Variants in ZDHHC8 observed in about 807,000 individuals in gnomAD.
ZDHHC8 encodes the protein zDHHC palmitoyltransferase 8, also known as palmitoyltransferase ZDHHC8.
ZDHHC8 carries 24 observed loss-of-function variants against 61.2 expected under a neutral mutation model. The observed-to-expected ratio is 0.39, with a 90% CI of 0.28 to 0.55. The LOEUF (loss-of-function observed/expected upper bound fraction) is 0.55, where lower values mean the gene tolerates loss of function less well. ZDHHC8 is among the 20% of genes least tolerant of loss of function. The pLI is 0.60. For synonymous variants in ZDHHC8, 523 were observed against 492.5 expected (o/e 1.06, Z -0.82); for missense variants, 935 against 1,102.1 (o/e 0.85, Z 2.15).
chr22:20,142,925 C>T lies in ZDHHC8; in HGVS notation c.1295C>T (p.Ser432Phe), dbSNP rs1174749568. Residue 432 changes from serine to phenylalanine, a missense_variant, in exon 10 of 11, where the codon TCC becomes TTC. Around this residue, in one of 3 missense-constraint regions of ZDHHC8, gnomAD observed 692 missense variants for 731.4 expected, o/e 0.95. Coordinates refer to ENST00000334554, the MANE Select transcript of ZDHHC8 (RefSeq NM_013373.4). The part of the protein sequence containing the change: ...ASDAFSGALR[S>F]LSLKASSRRG... ...GATGCCTTCTCGGGCGCTTTGCGCT[C>T]CCTGAGCCTCAAGGCCTCGAGCCGG... is the stretch of plus-strand genomic sequence containing the variant. 1 of 1,605,820 alleles carries T rather than the reference C, an allele frequency of 6.2e-7. No individual in the cohort carries two copies. The highest frequency in any genetic ancestry group is 8.5e-7 in the Non-Finnish European group (1 of 1,175,614).
In ZDHHC8 at chr22:20,145,459, C is replaced by T; in HGVS notation, c.*59C>T. The T allele has an allele frequency of 1.5e-6, 2 of 1,354,220 alleles. No homozygotes were observed. Among genetic ancestry groups the T allele is most frequent in the Non-Finnish European group, 1.9e-6 (2 of 1,050,682 alleles). 83.9% of individuals were successfully genotyped at this position (1,354,220 alleles called of 1,614,324 possible). A position where few individuals can be genotyped will look rare whatever the true frequency, so the allele number is the denominator to read the frequency against. On this transcript the variant is annotated 3_prime_UTR_variant, in exon 11 of 11. Coordinates refer to ENST00000334554, the MANE Select transcript of ZDHHC8 (RefSeq NM_013373.4). ...GGGGACCAGGACCCCACAGCGCACCCCCCCTCCCCACCAACTTCTCTGCCC... is the reference window on the plus strand; with the variant it reads ...GGGGACCAGGACCCCACAGCGCACCTCCCCTCCCCACCAACTTCTCTGCCC...
At chr22:20,140,030 G>C (rs1290847410) in intron 4 of ZDHHC8, 85 bp from the exon 5 acceptor site, 1 of 1,592,458 alleles carries the variant, frequency 6.3e-7, no homozygotes, top group African/African-American at 1.3e-5. Context: ...AGGTTGGGAG[G>C]AGGTTTGTCC....
At chr22:20,140,360 C>T (rs1413998040) in intron 5 of ZDHHC8, 143 bp downstream of exon 5, 13 of 892,446 alleles carry the variant, frequency 1.5e-5, no homozygotes, top group African/African-American at 6.7e-5. Flanking sequence ...GAGACCCCCA[C>T]GTGGGGCTAC....
At chr22:20,145,154 C>G in intron 10 of ZDHHC8, 75 bp from the exon 11 acceptor site, 1 of 1,309,230 alleles carries the variant, frequency 7.6e-7, no homozygotes, top group Non-Finnish European at 1.0e-6. Flanking sequence ...CTCTGTCTTG[C>G]TGCCTCCTCC....
At chr22:20,132,129 C>CGCGGGGGCTG in intron 1 of ZDHHC8, 78 bp downstream of exon 1, 1 of 963,616 alleles carries the variant, frequency 1.0e-6, no homozygotes, top group Non-Finnish European at 1.3e-6. Context: ...GGGCAGCGGT[C>CGCGGGGGCTG]GCGGGGGCTG....
At position 20,146,862 on chromosome 22, in the gene ZDHHC8, GC is replaced by G. The variant is rs950034313; in HGVS notation, c.*1464del. Reference sequence around the variant, plus strand: ...GCTGGAACTCTCCTGCCTGCCACATGCCAGGGGCAGGGCTGAGGGAGTGTGA... The same window carrying G: ...GCTGGAACTCTCCTGCCTGCCACATGCAGGGGCAGGGCTGAGGGAGTGTGA... On this transcript the variant is annotated 3_prime_UTR_variant, in exon 11 of 11. Coordinates refer to ENST00000334554, the MANE Select transcript of ZDHHC8 (RefSeq NM_013373.4). 1 of 1,260,574 alleles carries G rather than the reference GC, an allele frequency of 7.9e-7. No homozygotes were observed. Among genetic ancestry groups the G allele is most frequent in the African/African-American group, 1.6e-5 (1 of 64,410 alleles). 78.1% of individuals were successfully genotyped at this position (1,260,574 alleles called of 1,614,324 possible).
chr22:20,141,060 G>T, intron 7 of ZDHHC8, 48 bp downstream of exon 7: 1 of 1,605,700 alleles, frequency 6.2e-7, no homozygotes. Flanking sequence ...CCCTTGGATG[G>T]GGAAACAGGC....
chr22:20,135,091 C>T (rs2050408724), intron 1 of ZDHHC8, among the ~76,000 whole-genome samples: 1 of 152,060 alleles, frequency 6.6e-6, no homozygotes, highest in Admixed American at 6.6e-5. Flanking sequence ...ACCCTCACAC[C>T]TGGCTAATTT....
chr22:20,131,868 C>T lies in ZDHHC8; in HGVS notation c.-80C>T, dbSNP rs1380720102. The T allele has an allele frequency of 3.0e-6, 1 of 336,292 alleles. No individual in the cohort carries two copies. The highest frequency in any genetic ancestry group is 4.2e-6 in the Non-Finnish European group (1 of 238,746). 20.8% of individuals were successfully genotyped at this position (336,292 alleles called of 1,614,324 possible). A position where few individuals can be genotyped will look rare whatever the true frequency, so the allele number is the denominator to read the frequency against. On this transcript the variant is annotated 5_prime_UTR_variant, in exon 1 of 11. Coordinates refer to ENST00000334554, the MANE Select transcript of ZDHHC8 (RefSeq NM_013373.4). ...CGCGGGTCCTGCGCCGCGTCCAGCC[C>T]GCCCGCCCGACCCCGGCCCGACCCC...
rs1362782543 is a variant in ZDHHC8 at position 20,146,144 on chromosome 22, G to A, written c.*744G>A. ...TATGCTCTTGTGGGAGGCGACGGGG[G>A]GGCAGGCGGGAGCAGGCACGGGGGT... is the stretch of plus-strand genomic sequence containing the variant. On this transcript the variant is annotated 3_prime_UTR_variant, in exon 11 of 11. Transcript: ENST00000334554. The A allele has an allele frequency of 5.1e-6, 5 of 985,560 alleles. No individual in the cohort carries two copies. Among genetic ancestry groups the A allele is most frequent in the Non-Finnish European group, 6.0e-6 (5 of 829,952 alleles). 61.1% of individuals were successfully genotyped at this position (985,560 alleles called of 1,614,324 possible).
intron 1 of ZDHHC8, among the ~76,000 whole-genome samples, chr22:20,136,434 G>A (rs961418780): frequency 2.6e-5 from 4 of 152,194 alleles, no homozygotes; most frequent in East Asian, 3.9e-4. Flanking sequence ...GTGTTCTTGC[G>A]CACCCTGAGA....
chr22:20,143,647 C>T lies in ZDHHC8; in HGVS notation c.2017C>T (p.Leu673=), dbSNP rs1480177513. 1.9e-6 allele frequency: 3 copies of T among 1,607,234 alleles called. No individual in the cohort carries two copies. The highest frequency in any genetic ancestry group is 2.2e-5 in the East Asian group (1 of 44,820). The change falls in exon 10 of 11, where the codon CTG becomes TTG. Residue 673 remains leucine, a synonymous_variant. Coordinates refer to ENST00000334554, the MANE Select transcript of ZDHHC8 (RefSeq NM_013373.4). ...GSHRSPARQG[L]PSPPGTPHSP... ...ACACAGGTCACCTGCACGCCAGGGC[C>T]TGCCCTCCCCGCCCGGCACTCCCCA...
At chr22:20,135,114 T>G (rs2050408952) in intron 1 of ZDHHC8, among the ~76,000 whole-genome samples, 1 of 150,828 alleles carries the variant, frequency 6.6e-6, no homozygotes, top group Non-Finnish European at 1.5e-5. Context: ...TTATTTTTTG[T>G]TTTTTTGTTT....
intron 9 of ZDHHC8, 147 bp from the exon 10 acceptor site, chr22:20,142,608 CA>C (rs1485457688): frequency 2.9e-6 from 3 of 1,051,328 alleles, no homozygotes; most frequent in Non-Finnish European, 4.1e-6. Flanking sequence ...TGCTCAGGGA[CA>C]GGGCCATGGG....
In ZDHHC8 at chr22:20,146,329, T is replaced by G. The variant is rs541050574; in HGVS notation, c.*929T>G. 785 of 985,676 alleles carry G rather than the reference T, an allele frequency of 8.0e-4. No individual in the cohort carries two copies. The highest frequency in any genetic ancestry group is 9.0e-4 in the Non-Finnish European group (749 of 829,946). 61.1% of individuals were successfully genotyped at this position (985,676 alleles called of 1,614,324 possible). On this transcript the variant is annotated 3_prime_UTR_variant, in exon 11 of 11. Transcript: ENST00000334554. The stretch of plus-strand genomic sequence containing the variant: ...GGAAAGCACACTGGGGAGGGGTCAG[T>G]GCTTCCCTTGGTGTCAGGGACCTGA...
At chr22:20,137,210 G>A (rs1020244096) in intron 1 of ZDHHC8, among the ~76,000 whole-genome samples, 2 of 152,230 alleles carry the variant, frequency 1.3e-5, no homozygotes, top group Non-Finnish European at 2.9e-5. Context: ...TAGCCCCACG[G>A]CTGCAAGGCT....
chr22:20,137,978 C>A (rs945500794), intron 1 of ZDHHC8, among the ~76,000 whole-genome samples: 1 of 152,266 alleles, frequency 6.6e-6, no homozygotes, highest in Admixed American at 6.5e-5. Context: ...CTCCCAGCCC[C>A]GCCGAGGATG....
At chr22:20,135,265 T>G (rs931691697) in intron 1 of ZDHHC8, among the ~76,000 whole-genome samples, 1 of 152,040 alleles carries the variant, frequency 6.6e-6, no homozygotes, top group African/African-American at 2.4e-5. Flanking sequence ...TTCTGGGGGT[T>G]TTGTATCCCC....
chr22:20,145,416 C>T lies in ZDHHC8; in HGVS notation c.*16C>T, dbSNP rs376232653. 4 of 1,492,108 alleles carry T rather than the reference C, an allele frequency of 2.7e-6. No individual in the cohort carries two copies. Among genetic ancestry groups the T allele is most frequent in the Non-Finnish European group, 3.6e-6 (4 of 1,117,256 alleles). 92.4% of individuals were successfully genotyped at this position (1,492,108 alleles called of 1,614,324 possible). ...CTCGGTGTGAGGACTGACTGCCACA[C>T]ATCCGCCATGGTGCCACGGGGACCA... On this transcript the variant is annotated 3_prime_UTR_variant, in exon 11 of 11. Transcript: ENST00000334554.
Sources: allele counts gnomAD v4.1 joint callset (sites outside exome capture counted in the v4.1 genomes callset), GRCh38; gene constraint gnomAD v4.1.1; regional missense constraint gnomAD v4.1.1; transcripts MANE v1.5; gene names NCBI Gene and HGNC (gene_info 2026-07-23, HGNC 2026-07-21).